Variants in ASB15 observed in about 807,000 individuals in gnomAD.
ASB15 encodes the protein ankyrin repeat and SOCS box protein 15.
ASB15 carries 54 observed loss-of-function variants against 58.0 expected under a neutral mutation model. The observed-to-expected ratio is 0.93, with a 90% confidence interval of 0.75 to 1.17. The LOEUF is 1.17. Ranked by LOEUF, ASB15 falls within the 50% of genes most tolerant of loss-of-function variation. The probability of loss-of-function intolerance (pLI) is 0.00; values close to 1 mark genes in which losing one functional copy is unlikely to be tolerated. For missense variants in ASB15, 680 were observed against 707.4 expected, an observed-to-expected ratio of 0.96 and a Z score of 0.44; for synonymous variants, 249 against 262.4, an observed-to-expected ratio of 0.95 and a Z score of 0.50.
intron 2 of ASB15, among the ~76,000 whole-genome samples, chr7:123,608,319 G>A (rs1489566440): frequency 6.6e-6 from 1 of 152,158 alleles, no homozygotes; most frequent in Non-Finnish European, 1.5e-5. Flanking sequence ...TTTAAGAGTT[G>A]TGTGTATTTA....
intron 2 of ASB15, among the ~76,000 whole-genome samples, chr7:123,606,242 C>T (rs1187662627): frequency 2.0e-5 from 3 of 152,148 alleles, no homozygotes; most frequent in South Asian, 4.1e-4. Flanking sequence ...ACTGCTTGGA[C>T]GATTCAGATA....
chr7:123,572,653 C>T (rs1355955130), intron 1 of ASB15, among the ~76,000 whole-genome samples: 2 of 150,666 alleles, frequency 1.3e-5, no homozygotes, highest in Admixed American at 6.6e-5. Flanking sequence ...GATATTATTA[C>T]CCCACGGTTT....
In ASB15 at chr7:123,616,266, A is replaced by G; in HGVS notation, c.153A>G (p.Ile51Met). The part of the protein sequence containing the change: ...SAQNRKLVEA[I>M]KQGHIPELQE... The stretch of plus-strand genomic sequence containing the variant: ...AAAACAGAAAACTTGTGGAGGCCAT[A>G]AAACAAGGTAAATGGGTGTACTATC... Residue 51 changes from isoleucine to methionine, a missense_variant, in exon 5 of 12, where the codon ATA becomes ATG. Transcript: ENST00000451215. 3.7e-6 allele frequency: 6 copies of G among 1,610,432 alleles called. No individual in the cohort carries two copies. Among genetic ancestry groups the G allele is most frequent in the Non-Finnish European group, 5.1e-6 (6 of 1,176,746 alleles).
chr7:123,601,646 T>C (rs1297808914), upstream of ASB15, among the ~76,000 whole-genome samples: 1 of 152,030 alleles, frequency 6.6e-6, no homozygotes, highest in Non-Finnish European at 1.5e-5. Flanking sequence ...TTCATAAGAG[T>C]TCTTTGAACC....
chr7:123,622,049 C>T (rs1801364714), intron 7 of ASB15, among the ~76,000 whole-genome samples: 1 of 152,224 alleles, frequency 6.6e-6, no homozygotes, highest in African/African-American at 2.4e-5. Context: ...ATCTTCTTCA[C>T]TCCATTTCCG....
At chr7:123,582,506 AC>A (rs1799264867) in intron 1 of ASB15, among the ~76,000 whole-genome samples, 1 of 151,930 alleles carries the variant, frequency 6.6e-6, no homozygotes, top group Non-Finnish European at 1.5e-5. Flanking sequence ...TCTAACTCTT[AC>A]CTAAAGCTCC....
rs1358222338 is a variant in ASB15, at chr7:123,608,673, G to A, written c.-3+19G>A. ...ATTGCTTGTAAGTAAAATTACCTGT[G>A]ACTGTGGGGTAAAACCCAATTCTGA... On this transcript the variant is annotated intron_variant, in intron 3 of 11. Coordinates refer to ENST00000451215, the MANE Select transcript of ASB15 (RefSeq NM_001290258.2). 1 of 152,136 alleles carries A rather than the reference G, an allele frequency of 6.6e-6. No individual in the cohort carries two copies. The highest frequency in any genetic ancestry group is 1.5e-5 in the Non-Finnish European group (1 of 68,026). 9.4% of individuals were successfully genotyped at this position (152,136 alleles called of 1,614,324 possible). A position where few individuals can be genotyped will look rare whatever the true frequency, so the allele number is the denominator to read the frequency against.
intron 1 of ASB15, among the ~76,000 whole-genome samples, chr7:123,588,118 C>T (rs1343952302): frequency 6.6e-6 from 1 of 151,706 alleles, no homozygotes; most frequent in African/African-American, 2.4e-5. Context: ...GGAATTAATG[C>T]TTTAAGTGTT....
intron 11 of ASB15, among the ~76,000 whole-genome samples, chr7:123,633,988 G>T (rs1802277458): frequency 6.6e-6 from 1 of 152,188 alleles, no homozygotes; most frequent in Admixed American, 6.5e-5. Context: ...TCAATGAATT[G>T]AAGCCAATCT....
At chr7:123,605,104 G>C (rs149859214) in intron 2 of ASB15, among the ~76,000 whole-genome samples, 17 of 152,234 alleles carry the variant, frequency 1.1e-4, no homozygotes, top group African/African-American at 3.9e-4. Flanking sequence ...AATTTGACTT[G>C]AGCACCAGAC....
At chr7:123,598,617 A>G (rs996189238), upstream of ASB15, among the ~76,000 whole-genome samples, 5 of 152,242 alleles carry the variant, frequency 3.3e-5, no homozygotes, top group Admixed American at 3.3e-4. Flanking sequence ...TGAACAAGTC[A>G]TCAGTGTTCA....
intron 3 of ASB15, chr7:123,614,252 G>T: frequency 1.2e-5 from 4 of 338,560 alleles, no homozygotes; most frequent in East Asian, 5.9e-5. Context: ...AAAAAAAAAA[G>T]TCAAAAGTTA....
At chr7:123,599,696 C>T (rs1799810415), upstream of ASB15, among the ~76,000 whole-genome samples, 1 of 152,208 alleles carries the variant, frequency 6.6e-6, no homozygotes, top group Non-Finnish European at 1.5e-5. Context: ...CTATTTTAAC[C>T]TAAGACTCTT....
chr7:123,585,398 C>T (rs1321460920), intron 1 of ASB15, among the ~76,000 whole-genome samples: 1 of 151,804 alleles, frequency 6.6e-6, no homozygotes. Context: ...CTCAAACTGA[C>T]ACATTACATG....
At chr7:123,613,014 G>C (rs1584775054) in intron 3 of ASB15, among the ~76,000 whole-genome samples, 1 of 151,580 alleles carries the variant, frequency 6.6e-6, no homozygotes, top group East Asian at 1.9e-4. Flanking sequence ...ACAGTGTCAG[G>C]GAACATGCTT....
chr7:123,584,012 G>T (rs543264528), intron 1 of ASB15, among the ~76,000 whole-genome samples: 1 of 151,954 alleles, frequency 6.6e-6, no homozygotes, highest in Non-Finnish European at 1.5e-5. Flanking sequence ...GTTAGCCCCG[G>T]AGTTCATCCC....
intron 11 of ASB15, among the ~76,000 whole-genome samples, chr7:123,634,002 T>C (rs1464814164): frequency 6.6e-6 from 1 of 152,220 alleles, no homozygotes; most frequent in East Asian, 1.9e-4. Context: ...CCAATCTATT[T>C]AAATATACGA....
chr7:123,629,002 T>C lies in ASB15; in HGVS notation c.1008T>C (p.Thr336=), dbSNP rs1801975901. Reference sequence around the variant, plus strand: ...TTGAAAATGGTTTTGATGTCAACACTCTACTTGCTGACCACATTTCCCAGA... The same window carrying C: ...TTGAAAATGGTTTTGATGTCAACACCCTACTTGCTGACCACATTTCCCAGA... ...LLIENGFDVN[T]LLADHISQSY... The change falls in exon 10 of 12, where the codon ACT becomes ACC. Residue 336 remains threonine (T), a synonymous_variant. Transcript: ENST00000451215. 1 of 1,613,776 alleles carries C rather than the reference T, an allele frequency of 6.2e-7. No individual in the cohort carries two copies. The highest frequency in any genetic ancestry group is 8.5e-7 in the Non-Finnish European group (1 of 1,179,672).
At chr7:123,591,248 C>T (rs760133702) in intron 1 of ASB15, among the ~76,000 whole-genome samples, 3 of 152,016 alleles carry the variant, frequency 2.0e-5, no homozygotes, top group Non-Finnish European at 2.9e-5. Flanking sequence ...TCTGCAAATA[C>T]AGACAATTTG....
Sources: gnomAD v4.1 joint callset for allele counts (sites outside exome capture counted in the v4.1 genomes callset) on GRCh38, gnomAD v4.1.1 for gene constraint, MANE v1.5 for transcripts, NCBI Gene and HGNC (gene_info 2026-07-23, HGNC 2026-07-21) for gene names.